MAPK10: variants seen among roughly 807,000 people sequenced by gnomAD.
The protein encoded by MAPK10 is mitogen-activated protein kinase 10.
A neutral mutation model predicts 59.3 loss-of-function variants in MAPK10; 25 were observed. The observed-to-expected ratio is 0.42, with a 90% confidence interval of 0.31 to 0.59. The LOEUF is 0.59. Ranked by LOEUF, MAPK10 falls within the 20% of genes least tolerant of loss-of-function variation. MAPK10 has a pLI of 0.15. For missense variants in MAPK10, 351 were observed against 568.9 expected (o/e 0.62, Z 3.90); for synonymous variants, 190 against 200.5 (o/e 0.95, Z 0.44).
intron 2 of MAPK10, among the ~76,000 whole-genome samples, chr4:86,317,299 G>A (rs781577245): frequency 6.6e-6 from 1 of 152,096 alleles, no homozygotes; most frequent in African/African-American, 2.4e-5. Flanking sequence ...ATGCATCTGA[G>A]GTTCCTTCTC....
intron 1 of MAPK10, among the ~76,000 whole-genome samples, chr4:86,567,901 A>G (rs1275138724): frequency 6.6e-6 from 1 of 152,214 alleles, no homozygotes; most frequent in African/African-American, 2.4e-5. Flanking sequence ...TGTAACAGAA[A>G]GTAAACCTTC....
intron 1 of MAPK10, among the ~76,000 whole-genome samples, chr4:86,590,153 A>G (rs1762934505): frequency 6.6e-6 from 1 of 152,166 alleles, no homozygotes; most frequent in South Asian, 2.1e-4. Flanking sequence ...AATACATATT[A>G]TGAAGTTAAA....
intron 12 of MAPK10, among the ~76,000 whole-genome samples, chr4:86,031,140 A>G (rs2038928462): frequency 6.6e-6 from 1 of 152,248 alleles, no homozygotes; most frequent in Admixed American, 6.5e-5. Flanking sequence ...ACTGACAATC[A>G]GTACCATTTT....
intron 1 of MAPK10, among the ~76,000 whole-genome samples, chr4:86,578,763 T>G (rs1229801557): frequency 6.6e-6 from 1 of 151,696 alleles, no homozygotes; most frequent in Admixed American, 6.6e-5. Flanking sequence ...AAAAGTTTCA[T>G]GGAGGAGAGA....
rs114453152 is a variant in MAPK10, at chr4:86,279,407, C to T, written c.-7+75123G>A. On this transcript the variant is annotated intron_variant, in intron 2 of 13. Coordinates refer to ENST00000641462, the MANE Select transcript of MAPK10 (RefSeq NM_138982.4). Reference sequence around the variant, plus strand: ...CTAGCTTCAGATTCTATTTCTACCACTTACTGTGTGATGTGGGGCAATTAA... The same window carrying T: ...CTAGCTTCAGATTCTATTTCTACCATTTACTGTGTGATGTGGGGCAATTAA... Among the ~76,000 whole-genome samples, 887 of 152,276 alleles carry T rather than the reference C, an allele frequency of 5.8e-3. 8 individuals are homozygous for T. Among genetic ancestry groups the T allele is most frequent in the African/African-American group, 0.02 (835 of 41,560 alleles).
At chr4:86,194,272 G>T (rs1462640399) in intron 3 of MAPK10, 64 bp downstream of exon 3, 6 of 1,197,552 alleles carry the variant, frequency 5.0e-6, no homozygotes, top group African/African-American at 3.0e-5. Context: ...TATGCAAATG[G>T]TATGTCAAAG....
chr4:86,212,964 T>A (rs529817806), intron 2 of MAPK10, among the ~76,000 whole-genome samples: 32 of 152,256 alleles, frequency 2.1e-4, no homozygotes, highest in Non-Finnish European at 2.6e-4. Context: ...TATTCCAGAA[T>A]AGGCCATATG....
intron 11 of MAPK10, among the ~76,000 whole-genome samples, chr4:86,048,491 C>T (rs190543293): frequency 5.3e-5 from 8 of 152,196 alleles, no homozygotes; most frequent in African/African-American, 1.9e-4. Flanking sequence ...AAAAACACAT[C>T]GAACACAGAT....
intron 9 of MAPK10, among the ~76,000 whole-genome samples, chr4:86,072,262 A>C (rs1047439280): frequency 1.1e-4 from 16 of 151,750 alleles, no homozygotes; most frequent in African/African-American, 3.9e-4. Context: ...GACTTTGCTG[A>C]AGTTGCTTAT....
intron 1 of MAPK10, among the ~76,000 whole-genome samples, chr4:86,531,465 T>A (rs1205168178): frequency 6.6e-6 from 1 of 152,134 alleles, no homozygotes; most frequent in African/African-American, 2.4e-5. Context: ...TGCTATAAAC[T>A]TGTCAGTGAA....
At chr4:86,397,202 G>T in intron 1 of MAPK10, among the ~76,000 whole-genome samples, 1 of 152,204 alleles carries the variant, frequency 6.6e-6, no homozygotes, top group Non-Finnish European at 1.5e-5. Flanking sequence ...TCCTCAGTGA[G>T]AAGAAATTAT....
At chr4:86,530,472 T>C (rs1465654434) in intron 1 of MAPK10, among the ~76,000 whole-genome samples, 1 of 152,208 alleles carries the variant, frequency 6.6e-6, no homozygotes, top group Non-Finnish European at 1.5e-5. Flanking sequence ...GAGTCTACTG[T>C]CCTAGTCTGT....
At chr4:86,169,328 C>A (rs559838111) in intron 3 of MAPK10, among the ~76,000 whole-genome samples, 2 of 152,016 alleles carry the variant, frequency 1.3e-5, no homozygotes, top group Admixed American at 6.5e-5. Context: ...AAAATTTAGA[C>A]GAATGTATAA....
At chr4:86,052,372 T>C (rs1391252247) in intron 11 of MAPK10, among the ~76,000 whole-genome samples, 1 of 152,182 alleles carries the variant, frequency 6.6e-6, no homozygotes, top group African/African-American at 2.4e-5. Flanking sequence ...ACTAGACTCA[T>C]GATTTTCAAA....
At chr4:86,445,540 C>A (rs1352939663) in intron 1 of MAPK10, among the ~76,000 whole-genome samples, 3 of 152,000 alleles carry the variant, frequency 2.0e-5, no homozygotes, top group Non-Finnish European at 4.4e-5. Flanking sequence ...ACCTGCACAT[C>A]CTACACGTGT....
intron 1 of MAPK10, among the ~76,000 whole-genome samples, chr4:86,415,935 G>A (rs1214815641): frequency 5.9e-5 from 9 of 152,150 alleles, no homozygotes; most frequent in Non-Finnish European, 1.3e-4. Context: ...TTGGATTTAA[G>A]TTTTATCATC....
intron 4 of MAPK10, among the ~76,000 whole-genome samples, chr4:86,154,041 C>T (rs1008762523): frequency 3.9e-5 from 6 of 152,062 alleles, no homozygotes; most frequent in African/African-American, 1.2e-4. Flanking sequence ...TGTCATTTAG[C>T]GTAATGGCTC....
At chr4:86,133,024 C>T (rs924302704) in intron 4 of MAPK10, among the ~76,000 whole-genome samples, 6 of 152,302 alleles carry the variant, frequency 3.9e-5, no homozygotes, top group East Asian at 3.9e-4. Flanking sequence ...TCCACGAAAT[C>T]GGTCCCTGGT....
At chr4:86,049,698 G>C (rs1000282296) in intron 11 of MAPK10, among the ~76,000 whole-genome samples, 2 of 151,916 alleles carry the variant, frequency 1.3e-5, no homozygotes, top group Non-Finnish European at 2.9e-5. Context: ...ACATTTCATG[G>C]GTAAAGATTA....
Sources: allele counts gnomAD v4.1 joint callset (sites outside exome capture counted in the v4.1 genomes callset), GRCh38; gene constraint gnomAD v4.1.1; transcripts MANE v1.5; gene names NCBI Gene and HGNC (gene_info 2026-07-23, HGNC 2026-07-21).